PDZRN4: variants seen among roughly 807,000 people sequenced by gnomAD.
PDZRN4 encodes PDZ domain-containing RING finger protein 4.
A neutral mutation model predicts 99.0 loss-of-function variants in PDZRN4; 70 were observed. The observed-to-expected ratio is 0.71, with a 90% CI of 0.58 to 0.86. The LOEUF (loss-of-function observed/expected upper bound fraction) is 0.86. Among genes scored for constraint, PDZRN4 ranks in the 40% least tolerant of loss-of-function variants. The pLI, the probability that PDZRN4 is intolerant of heterozygous loss-of-function variation, is 0.00. For missense variants in PDZRN4, 1,474 were observed against 1,331.2 expected (o/e 1.11, Z -1.67); for synonymous variants, 551 against 501.6 (o/e 1.10, Z -1.32).
chr12:41,377,524 G>A (rs1005449192), intron 3 of PDZRN4, among the ~76,000 whole-genome samples: 3 of 152,090 alleles, frequency 2.0e-5, no homozygotes, highest in Non-Finnish European at 4.4e-5. Flanking sequence ...AATTAGCCGG[G>A]CATGGCAGCA....
chr12:41,216,888 G>A (rs1000441817), intron 3 of PDZRN4, among the ~76,000 whole-genome samples: 1 of 151,928 alleles, frequency 6.6e-6, no homozygotes, highest in Non-Finnish European at 1.5e-5. Flanking sequence ...TTCTTAAAAA[G>A]GAGGCACCTG....
chr12:41,422,775 G>A (rs1024541234), intron 3 of PDZRN4, among the ~76,000 whole-genome samples: 1 of 152,096 alleles, frequency 6.6e-6, no homozygotes, highest in Non-Finnish European at 1.5e-5. Context: ...GGGACACAGA[G>A]CCAAACCATA....
chr12:41,369,850 C>T (rs1177874812), intron 3 of PDZRN4, among the ~76,000 whole-genome samples: 1 of 151,710 alleles, frequency 6.6e-6, no homozygotes, highest in Non-Finnish European at 1.5e-5. Context: ...ATTTCACCAC[C>T]CCATCAATTC....
intron 3 of PDZRN4, among the ~76,000 whole-genome samples, chr12:41,394,778 TGA>T (rs112076468): frequency 0.087 from 12,687 of 146,390 alleles, 1,195 homozygotes; most frequent in African/African-American, 0.24. Context: ...TTAGAGTAAA[TGA>T]GAGAGAGAGA....
intron 3 of PDZRN4, among the ~76,000 whole-genome samples, chr12:41,502,396 G>T (rs575448838): frequency 9.9e-5 from 15 of 152,152 alleles, no homozygotes; most frequent in South Asian, 4.2e-4. Flanking sequence ...TTGGAAAAAG[G>T]CTCTTTTCCT....
At chr12:41,349,869 T>C (rs1951878793) in intron 3 of PDZRN4, among the ~76,000 whole-genome samples, 1 of 151,890 alleles carries the variant, frequency 6.6e-6, no homozygotes, top group Non-Finnish European at 1.5e-5. Flanking sequence ...GGGCCTCATA[T>C]AGGGAGTGTC....
intron 3 of PDZRN4, among the ~76,000 whole-genome samples, chr12:41,364,266 A>G (rs1951982236): frequency 6.6e-6 from 1 of 152,060 alleles, no homozygotes; most frequent in Non-Finnish European, 1.5e-5. Context: ...TCATTTACAC[A>G]GTGTTTAATA....
At chr12:41,388,215 A>G (rs1290043237) in intron 3 of PDZRN4, among the ~76,000 whole-genome samples, 2 of 152,154 alleles carry the variant, frequency 1.3e-5, no homozygotes, top group African/African-American at 4.8e-5. Context: ...ACATGGATCA[A>G]TAGAGGGAAC....
rs138344404 is a variant in PDZRN4, at chr12:41,212,846, C to A, written c.843+18658C>A. Among the ~76,000 whole-genome samples the A allele has an allele frequency of 1.4e-3, 206 of 151,974 alleles. 1 individual carries two copies. Among genetic ancestry groups the A allele is most frequent in the African/African-American group, 4.8e-3 (199 of 41,510 alleles). On this transcript the variant is annotated intron_variant, in intron 3 of 9. Coordinates refer to ENST00000402685, the MANE Select transcript of PDZRN4 (RefSeq NM_001164595.2). ...TGTTAGCTAGGCAAGGATTTGAGGACAAAGCTTTTTAAAGAGACAGATGAG... is the reference window on the plus strand; with the variant it reads ...TGTTAGCTAGGCAAGGATTTGAGGAAAAAGCTTTTTAAAGAGACAGATGAG...
At chr12:41,228,544 G>C (rs1204257145) in intron 3 of PDZRN4, among the ~76,000 whole-genome samples, 1 of 152,090 alleles carries the variant, frequency 6.6e-6, no homozygotes, top group Non-Finnish European at 1.5e-5. Context: ...GTGTATGGTG[G>C]ATTAAAGTGT....
At chr12:41,346,532 A>G (rs1361438652) in intron 3 of PDZRN4, among the ~76,000 whole-genome samples, 2 of 152,072 alleles carry the variant, frequency 1.3e-5, no homozygotes, top group African/African-American at 4.8e-5. Context: ...TTCAAATTCT[A>G]TAATATTAGA....
intron 5 of PDZRN4, among the ~76,000 whole-genome samples, chr12:41,532,470 T>C (rs1364011378): frequency 2.0e-5 from 3 of 152,232 alleles, no homozygotes; most frequent in African/African-American, 7.2e-5. Context: ...TTTGAATCTA[T>C]ACATCCACTT....
chr12:41,559,305 T>C (rs1565615301), intron 7 of PDZRN4, among the ~76,000 whole-genome samples: 1 of 152,212 alleles, frequency 6.6e-6, no homozygotes, highest in South Asian at 2.1e-4. Context: ...CCTGTGTTTT[T>C]AGTCTGCAAG....
At chr12:41,239,038 C>T (rs537574345) in intron 3 of PDZRN4, among the ~76,000 whole-genome samples, 5 of 152,174 alleles carry the variant, frequency 3.3e-5, no homozygotes, top group South Asian at 2.1e-4. Flanking sequence ...GCACTATTCA[C>T]AATAGCAAAG....
chr12:41,354,486 G>C (rs1312095018), intron 3 of PDZRN4, among the ~76,000 whole-genome samples: 1 of 149,650 alleles, frequency 6.7e-6, no homozygotes, highest in African/African-American at 2.5e-5. Flanking sequence ...TTTTTGGAAA[G>C]TGAAAAAAAA....
intron 3 of PDZRN4, among the ~76,000 whole-genome samples, chr12:41,339,786 A>C: frequency 6.6e-6 from 1 of 152,260 alleles, no homozygotes; most frequent in Non-Finnish European, 1.5e-5. Flanking sequence ...ATTTCTCAAA[A>C]GAAGACATAC....
chr12:41,445,077 C>T (rs1952712997), intron 3 of PDZRN4, among the ~76,000 whole-genome samples: 1 of 151,822 alleles, frequency 6.6e-6, no homozygotes, highest in South Asian at 2.1e-4. Flanking sequence ...TTAATTGACA[C>T]AGACCTAAGA....
chr12:41,474,660 G>A (rs1359319181), intron 3 of PDZRN4, among the ~76,000 whole-genome samples: 1 of 152,144 alleles, frequency 6.6e-6, no homozygotes, highest in African/African-American at 2.4e-5. Context: ...AAAGTGGCTT[G>A]CAAGCATTAT....
Position 41,188,652 on chromosome 12 carries a change from G to A in PDZRN4, c.197G>A (p.Arg66Gln). 1.3e-6 allele frequency: 2 copies of A among 1,545,038 alleles called. No individual in the cohort carries two copies. The highest frequency in any genetic ancestry group is 1.2e-5 in the South Asian group (1 of 84,840). Residue 66 changes from arginine to glutamine, a missense_variant, in exon 1 of 10, where the codon CGG (arginine) becomes CAG (glutamine). Arg to Gln is a conservative substitution (Grantham distance 43). Transcript: ENST00000402685. ...CQPLAPGELY[R>Q]VLPLRSLIQK... is the part of the protein sequence containing the mutation. ...CCCTTGGCGCCCGGCGAGCTGTACC[G>A]GGTGCTGCCGCTGCGCAGCCTCATC...
Sources: allele counts gnomAD v4.1 joint callset (sites outside exome capture counted in the v4.1 genomes callset), GRCh38; gene constraint gnomAD v4.1.1; transcripts MANE v1.5; gene names NCBI Gene and HGNC (gene_info 2026-07-23, HGNC 2026-07-21).